Variants in GPR161 observed in about 807,000 individuals in gnomAD.
The protein encoded by GPR161 is G-protein coupled receptor RE2.
In GPR161, 25 loss-of-function variants were observed where a neutral mutation model predicts 39.2. The ratio of observed to expected loss-of-function variants is 0.64; its 90% CI spans 0.47 to 0.89. The LOEUF is 0.89. Ranked by LOEUF, GPR161 falls within the 40% of genes least tolerant of loss-of-function variation. The pLI is 0.00. For synonymous variants in GPR161, 286 were observed against 276.6 expected (o/e 1.03, Z -0.34); for missense variants, 547 against 677.8 (o/e 0.81, Z 2.14).
chr1:168,136,191 C>T (rs1699349773), intron 1 of GPR161: 1 of 1,276,656 alleles, frequency 7.8e-7, no homozygotes, highest in Non-Finnish European at 9.9e-7. Flanking sequence ...CTGGGCGCGC[C>T]ACCCGCCGCC....
Position 168,098,246 on chromosome 1 carries a change from G to A in GPR161, c.375-1014C>T, listed in dbSNP as rs1025800730. 1.3e-5 allele frequency among the ~76,000 whole-genome samples: 2 copies of A among 152,220 alleles called. No individual in the cohort carries two copies. Among genetic ancestry groups the A allele is most frequent in the Non-Finnish European group, 2.9e-5 (2 of 68,032 alleles). Reference sequence around the variant, plus strand: ...GCATGGAGCTCCACCTGGCAGGAGAGAGAGTGCAGGATGGAGAGAGGAGGA... The same window carrying A: ...GCATGGAGCTCCACCTGGCAGGAGAAAGAGTGCAGGATGGAGAGAGGAGGA... On this transcript the variant is annotated intron_variant, in intron 2 of 5. Transcript: ENST00000682931. The surrounding 1 kb of genome is among the most constrained non-coding windows in gnomAD (Gnocchi z 4.1).
In GPR161 at chr1:168,098,285, G is replaced by T. The variant is rs534397550; in HGVS notation, c.375-1053C>A. On this transcript the variant is annotated intron_variant, in intron 2 of 5. Coordinates refer to ENST00000682931, the MANE Select transcript of GPR161 (RefSeq NM_001375883.1). The surrounding 1 kb of genome is among the most constrained non-coding windows in gnomAD (Gnocchi z 4.1). ...GAGAGAGGAGGAGAGAAGGAAGCAGGCCGGGTGGACGGGGCCGGGGCATGC... is the reference window on the plus strand; with the variant it reads ...GAGAGAGGAGGAGAGAAGGAAGCAGTCCGGGTGGACGGGGCCGGGGCATGC... 6.6e-6 allele frequency among the ~76,000 whole-genome samples: 1 copy of T among 152,328 alleles called. No homozygotes were observed. The highest frequency in any genetic ancestry group is 1.9e-4 in the East Asian group (1 of 5,186).
In GPR161 at chr1:168,091,660, G is replaced by A. The variant is rs541685724; in HGVS notation, c.1100-992C>T. ...GGTACTAGCGTGAAAGACAGAGATG[G>A]GAAAAAAGAAAAGAAAAATGGACCT... On this transcript the variant is annotated intron_variant, in intron 3 of 5. Coordinates refer to ENST00000682931, the MANE Select transcript of GPR161 (RefSeq NM_001375883.1). Among the ~76,000 whole-genome samples, 20 of 151,972 alleles carry A rather than the reference G, an allele frequency of 1.3e-4. No individual in the cohort carries two copies. In the South Asian group the frequency reaches 3.9e-3, roughly 30 times the overall value.
chr1:168,107,453 G>A (rs1308494004), intron 1 of GPR161, among the ~76,000 whole-genome samples: 1 of 152,144 alleles, frequency 6.6e-6, no homozygotes, highest in African/African-American at 2.4e-5. Flanking sequence ...TGGATTTATA[G>A]GAAGAGGAAG....
chr1:168,119,591 C>G (rs774275876), intron 1 of GPR161, among the ~76,000 whole-genome samples: 1 of 152,030 alleles, frequency 6.6e-6, no homozygotes, highest in East Asian at 1.9e-4. Context: ...GATGGCTGCA[C>G]GACAATATGA....
At chr1:168,087,954 T>G in intron 4 of GPR161, 1 of 402,566 alleles carries the variant, frequency 2.5e-6, no homozygotes, top group South Asian at 3.4e-5. Context: ...AAGTAGGGGG[T>G]TATCTGCCTC....
In GPR161 at chr1:168,085,690, G is replaced by C; in HGVS notation, c.1431C>G (p.Asn477Lys). ...CTGGCAAAGCCTCCTCCCCAAATAAGTTGATTTTGGCTTCGGCCTCAATGG... is the reference window on the plus strand; with the variant it reads ...CTGGCAAAGCCTCCTCCCCAAATAACTTGATTTTGGCTTCGGCCTCAATGG... ...AKAIEAEAKI[N>K]LFGEEALPGV... Residue 477 changes from asparagine (N) to lysine (K), a missense_variant, in exon 6 of 6, where the codon AAC becomes AAG. By Grantham distance (94) the Asn-to-Lys change is moderately conservative. Transcript: ENST00000682931. 6.2e-7 allele frequency: 1 copy of C among 1,614,260 alleles called. No homozygotes were observed. Among genetic ancestry groups the C allele is most frequent in the Non-Finnish European group, 8.5e-7 (1 of 1,180,048 alleles).
chr1:168,137,059 C>G (rs1699444987), upstream of GPR161: 1 of 961,078 alleles, frequency 1.0e-6, no homozygotes, highest in Non-Finnish European at 1.2e-6. Flanking sequence ...GCGCCCCTCC[C>G]CACCCGCGCC....
Position 168,131,408 on chromosome 1 carries a change from T to C in GPR161, c.-45+5331A>G, listed in dbSNP as rs78268577. Among the ~76,000 whole-genome samples, 769 of 152,268 alleles carry C rather than the reference T, an allele frequency of 5.1e-3. 5 individuals are homozygous for C. The highest frequency in any genetic ancestry group is 0.018 in the African/African-American group (741 of 41,548). ...ACTGTTGTTCTCAACTCTGTGGCTC[T>C]GTACACTGTTATCACTGCCCATAAT... On this transcript the variant is annotated intron_variant, in intron 1 of 5. Transcript: ENST00000682931.
At chr1:168,122,052 T>G (rs536095639) in intron 1 of GPR161, among the ~76,000 whole-genome samples, 4 of 152,340 alleles carry the variant, frequency 2.6e-5, no homozygotes, top group Non-Finnish European at 5.9e-5. Flanking sequence ...TGCCACTCCC[T>G]GGAGCTCCAG....
intron 2 of GPR161, among the ~76,000 whole-genome samples, chr1:168,102,476 T>C (rs548582322): frequency 2.0e-5 from 3 of 152,308 alleles, no homozygotes; most frequent in Admixed American, 6.5e-5. Context: ...ACTCCAAGGA[T>C]TGGGCACAGG....
rs113506609 is a variant in GPR161, at chr1:168,118,983, T to G, written c.-44-14089A>C. Among the ~76,000 whole-genome samples the G allele has an allele frequency of 2.8e-3, 419 of 151,932 alleles. 1 individual carries two copies. The highest frequency in any genetic ancestry group is 9.6e-3 in the African/African-American group (398 of 41,404). ...AGAAACTGCAACCCTTTTACGCTGTTGGCAGGGACGTAAAATGGTACAGCC... is the reference window on the plus strand; with the variant it reads ...AGAAACTGCAACCCTTTTACGCTGTGGGCAGGGACGTAAAATGGTACAGCC... On this transcript the variant is annotated intron_variant, in intron 1 of 5. Transcript: ENST00000682931.
chr1:168,121,278 G>A (rs776627752), intron 1 of GPR161, among the ~76,000 whole-genome samples: 4 of 152,122 alleles, frequency 2.6e-5, no homozygotes, highest in Non-Finnish European at 4.4e-5. Flanking sequence ...CCCAGCAAGT[G>A]GAACAACTCC....
intron 1 of GPR161, among the ~76,000 whole-genome samples, chr1:168,115,942 A>AT (rs1416044642): frequency 1.3e-5 from 2 of 151,516 alleles, no homozygotes; most frequent in Admixed American, 6.6e-5. Flanking sequence ...CGCCCGGCTA[A>AT]TTTTTTTTGT....
intron 1 of GPR161, among the ~76,000 whole-genome samples, chr1:168,106,483 A>G (rs1326743015): frequency 6.6e-6 from 1 of 152,186 alleles, no homozygotes; most frequent in Non-Finnish European, 1.5e-5. Context: ...CCAGCTACTT[A>G]GCGGGCTGAG....
chr1:168,122,780 A>T (rs1351868032), intron 1 of GPR161, among the ~76,000 whole-genome samples: 1 of 151,952 alleles, frequency 6.6e-6, no homozygotes, highest in Non-Finnish European at 1.5e-5. Context: ...GTAACACTTC[A>T]TACCCCCTCC....
At position 168,087,640 on chromosome 1, in the gene GPR161, G is replaced by C. The variant is rs919696155; in HGVS notation, c.1269C>G (p.Cys423Trp). 6.2e-7 allele frequency: 1 copy of C among 1,613,996 alleles called. No individual in the cohort carries two copies. Among genetic ancestry groups the C allele is most frequent in the Non-Finnish European group, 8.5e-7 (1 of 1,179,878 alleles). The change falls in exon 5 of 6, where the codon TGC (cysteine) becomes TGG (tryptophan). Residue 423 changes from cysteine to tryptophan, a missense_variant. By Grantham distance (215) the Cys-to-Trp change is radical. Coordinates refer to ENST00000682931, the MANE Select transcript of GPR161 (RefSeq NM_001375883.1). Reference sequence around the variant, plus strand: ...TCACCGAGCTCCTTCTCTTGGGTGGGCAAGTGCAGTGAGAGGGAGGGTTGT... The same window carrying C: ...TCACCGAGCTCCTTCTCTTGGGTGGCCAAGTGCAGTGAGAGGGAGGGTTGT... The part of the protein sequence containing the change: ...SDDNPPSHCT[C>W]PPKRRSSVTF...
intron 1 of GPR161, among the ~76,000 whole-genome samples, chr1:168,129,384 T>C (rs1292863120): frequency 1.3e-5 from 2 of 152,128 alleles, no homozygotes; most frequent in Admixed American, 6.5e-5. Flanking sequence ...ACAAAAAGCA[T>C]TGCAGGCCTG....
chr1:168,134,123 G>A (rs1260432670), intron 1 of GPR161, among the ~76,000 whole-genome samples: 1 of 152,196 alleles, frequency 6.6e-6, no homozygotes, highest in East Asian at 1.9e-4. Context: ...GCAGGGCTGG[G>A]AGGTAGGCTG....
Sources: allele counts gnomAD v4.1 joint callset (sites outside exome capture counted in the v4.1 genomes callset), GRCh38; gene constraint gnomAD v4.1.1; non-coding constraint Gnocchi (gnomAD v3.1); transcripts MANE v1.5; gene names NCBI Gene and HGNC (gene_info 2026-07-23, HGNC 2026-07-21).